The following RRAS2 variants were observed in gnomAD, a reference collection of about 807,000 sequenced individuals.
The protein encoded by RRAS2 is RAS related 2.
In RRAS2, 7 loss-of-function variants were observed where a neutral mutation model predicts 27.6. The ratio of observed to expected loss-of-function variants is 0.25; its 90% CI spans 0.14 to 0.48. The LOEUF is 0.48. Among genes scored for constraint, RRAS2 ranks in the 20% least tolerant of loss-of-function variants. The pLI, the probability that RRAS2 is intolerant of heterozygous loss-of-function variation, is 0.99. For synonymous variants in RRAS2, 86 were observed against 90.9 expected, an observed-to-expected ratio of 0.95 and a Z score of 0.31; for missense variants, 178 against 256.2, an observed-to-expected ratio of 0.69 and a Z score of 2.08.
chr11:14,346,247 G>A (rs1368182706), intron 1 of RRAS2, among the ~76,000 whole-genome samples: 1 of 152,066 alleles, frequency 6.6e-6, no homozygotes, highest in Non-Finnish European at 1.5e-5. Context: ...GTACTATAAA[G>A]TTACAGAAAA....
chr11:14,283,134 C>T (rs1373246068), intron 4 of RRAS2, among the ~76,000 whole-genome samples: 5 of 152,120 alleles, frequency 3.3e-5, no homozygotes, highest in African/African-American at 7.2e-5. Flanking sequence ...GAATGGATGG[C>T]GGATTTGCCA....
chr11:14,294,735 A>G, intron 3 of RRAS2, 25 bp downstream of exon 3: 2 of 1,597,064 alleles, frequency 1.3e-6, no homozygotes, highest in Non-Finnish European at 1.7e-6. Flanking sequence ...AGAACAGTGG[A>G]TCTACATTCT....
intron 4 of RRAS2, among the ~76,000 whole-genome samples, chr11:14,289,126 G>A (rs1849744017): frequency 1.3e-5 from 2 of 152,186 alleles, no homozygotes; most frequent in Admixed American, 1.3e-4. Context: ...TACTATTTGA[G>A]GAGGGGTTCT....
At chr11:14,361,833 C>T (rs1554956190), upstream of RRAS2, among the ~76,000 whole-genome samples, 1 of 152,174 alleles carries the variant, frequency 6.6e-6, no homozygotes, top group African/African-American at 2.4e-5. Flanking sequence ...GGAAACAACT[C>T]AGTTGTCCCT....
At chr11:14,302,331 A>G (rs567304485) in intron 1 of RRAS2, among the ~76,000 whole-genome samples, 1 of 152,334 alleles carries the variant, frequency 6.6e-6, no homozygotes, top group African/African-American at 2.4e-5. Context: ...ATGATAAACC[A>G]AAATGAGATT....
intron 1 of RRAS2, among the ~76,000 whole-genome samples, chr11:14,303,519 T>C (rs1591456311): frequency 6.6e-6 from 1 of 152,294 alleles, no homozygotes; most frequent in Admixed American, 6.5e-5. Flanking sequence ...GGAGGACTGC[T>C]TGAGCCCAGG....
intron 1 of RRAS2, among the ~76,000 whole-genome samples, chr11:14,298,220 G>A (rs1554946941): frequency 1.3e-5 from 2 of 152,092 alleles, no homozygotes; most frequent in Non-Finnish European, 2.9e-5. Flanking sequence ...TTTATATCTT[G>A]TAAAACCTGA....
intron 1 of RRAS2, among the ~76,000 whole-genome samples, chr11:14,342,813 C>G (rs1564980230): frequency 6.6e-6 from 1 of 152,124 alleles, no homozygotes; most frequent in Non-Finnish European, 1.5e-5. Flanking sequence ...TAACTTGTCT[C>G]ATATACATAT....
chr11:14,354,279 A>T (rs1849026006), intron 1 of RRAS2: 1 of 152,198 alleles, frequency 6.6e-6, no homozygotes, highest in Admixed American at 6.5e-5. Flanking sequence ...CCTACCTCAA[A>T]ATCTGGCAAA....
chr11:14,312,813 G>T (rs1487749801), intron 1 of RRAS2, among the ~76,000 whole-genome samples: 1 of 152,204 alleles, frequency 6.6e-6, no homozygotes, highest in Admixed American at 6.5e-5. Flanking sequence ...CTGTATCACT[G>T]TTGTTTTACT....
chr11:14,282,626 C>G (rs781996516), intron 4 of RRAS2, among the ~76,000 whole-genome samples: 1 of 149,450 alleles, frequency 6.7e-6, no homozygotes, highest in Non-Finnish European at 1.5e-5. Flanking sequence ...AAAGTAAACA[C>G]CTGATGAAAA....
In RRAS2 at chr11:14,326,856, C is replaced by G. The variant is rs1238468482; in HGVS notation, c.109-31001G>C. Among the ~76,000 whole-genome samples the G allele has an allele frequency of 1.2e-4, 2 of 17,390 alleles. 1 individual carries two copies. The highest frequency in any genetic ancestry group is 4.8e-4 in the Non-Finnish European group (2 of 4,150). The allele number at this position is 17,390 out of a possible 152,430, so 11.4% of individuals were successfully genotyped here. On this transcript the variant is annotated intron_variant, in intron 1 of 5. Transcript: ENST00000256196. ...CGGGCGGATCACGAGGTCAGGAGAT[C>G]GAGACCATCCCGGCTAAAACGGTGA...
chr11:14,363,244 C>T (rs978377666), upstream of RRAS2, among the ~76,000 whole-genome samples: 11 of 152,208 alleles, frequency 7.2e-5, no homozygotes, highest in Non-Finnish European at 1.2e-4. Flanking sequence ...TGTTACCTGC[C>T]TGGCTTTAGT....
intron 1 of RRAS2, among the ~76,000 whole-genome samples, chr11:14,320,631 T>C (rs1848201609): frequency 6.6e-6 from 1 of 152,194 alleles, no homozygotes; most frequent in African/African-American, 2.4e-5. Context: ...TTAGAAAAGG[T>C]TGTGCAAAAA....
chr11:14,305,826 C>T (rs782040136), intron 1 of RRAS2, among the ~76,000 whole-genome samples: 2 of 152,140 alleles, frequency 1.3e-5, no homozygotes, highest in Non-Finnish European at 2.9e-5. Context: ...AAGAGGATCA[C>T]TTGAGCCCAG....
At chr11:14,353,594 C>CA (rs79109765) in intron 1 of RRAS2, among the ~76,000 whole-genome samples, 2,755 of 121,528 alleles carry the variant, frequency 0.023, 30 homozygotes, top group Non-Finnish European at 0.027. Flanking sequence ...AACTTCGTCT[C>CA]AAAAAAAAAA....
chr11:14,341,595 A>T (rs1197051283), intron 1 of RRAS2, among the ~76,000 whole-genome samples: 10 of 152,156 alleles, frequency 6.6e-5, no homozygotes, highest in African/African-American at 2.4e-4. Flanking sequence ...GGACCAAAAA[A>T]AAAATAAAAA....
intron 1 of RRAS2, among the ~76,000 whole-genome samples, chr11:14,310,892 A>G (rs1205368463): frequency 6.6e-6 from 1 of 152,218 alleles, no homozygotes; most frequent in African/African-American, 2.4e-5. Context: ...CCAGCCTTGC[A>G]TGCAATGGAC....
At chr11:14,318,398 G>A (rs544156542) in intron 1 of RRAS2, among the ~76,000 whole-genome samples, 2 of 152,236 alleles carry the variant, frequency 1.3e-5, no homozygotes, top group East Asian at 3.9e-4. Flanking sequence ...AGCTACTTGG[G>A]AGGCTGAGGC....
Sources: allele counts gnomAD v4.1 joint callset (sites outside exome capture counted in the v4.1 genomes callset), GRCh38; gene constraint gnomAD v4.1.1; transcripts MANE v1.5; gene names NCBI Gene and HGNC (gene_info 2026-07-23, HGNC 2026-07-21).